The following CAPN2 variants were observed in gnomAD, a reference collection of about 807,000 sequenced individuals.
CAPN2 encodes the protein calpain 2.
A neutral mutation model predicts 102.3 loss-of-function variants in CAPN2; 92 were observed. The ratio of observed to expected loss-of-function variants is 0.90; its 90% confidence interval spans 0.76 to 1.07. The LOEUF (loss-of-function observed/expected upper bound fraction) is 1.07. Ranked by LOEUF, CAPN2 falls within the 50% of genes least tolerant of loss-of-function variation. The pLI is 0.00. For missense variants in CAPN2, 800 were observed against 909.4 expected (o/e 0.88, Z 1.55); for synonymous variants, 340 against 355.4 (o/e 0.96, Z 0.49).
chr1:223,763,206 A>G (rs76016245), intron 14 of CAPN2, among the ~76,000 whole-genome samples: 1 of 151,144 alleles, frequency 6.6e-6, no homozygotes, highest in Non-Finnish European at 1.5e-5. Context: ...ACAACTCCAA[A>G]AAAAAAAAAA....
In CAPN2 at chr1:223,759,626, G is replaced by A; in HGVS notation, c.1529+145G>A. The A allele has an allele frequency of 1.6e-6, 1 of 634,430 alleles. No homozygotes were observed. Among genetic ancestry groups the A allele is most frequent in the Non-Finnish European group, 2.7e-6 (1 of 368,396 alleles). The allele number at this position is 634,430 out of a possible 1,614,324, so 39.3% of individuals were successfully genotyped here. The stretch of plus-strand genomic sequence containing the variant: ...GCCCACCTCGAAGGACTAGTGTGGG[G>A]ATTTGATGGATTGAGGAAGTTCTAG... On this transcript the variant is annotated intron_variant, in intron 12 of 20. Transcript: ENST00000295006. The surrounding 1 kb of genome is among the most constrained non-coding windows in gnomAD (Gnocchi z 4.6).
intron 1 of CAPN2, among the ~76,000 whole-genome samples, chr1:223,702,964 G>A (rs1345425616): frequency 6.6e-6 from 1 of 152,176 alleles, no homozygotes; most frequent in African/African-American, 2.4e-5. Flanking sequence ...GGCAGCTGCT[G>A]GACACAGAGA....
In CAPN2 at chr1:223,712,857, A is replaced by G. The variant is rs780356775; in HGVS notation, c.217A>G (p.Ile73Val). 6.5e-7 allele frequency: 1 copy of G among 1,546,510 alleles called. No homozygotes were observed. Among genetic ancestry groups the G allele is most frequent in the Non-Finnish European group, 8.7e-7 (1 of 1,148,632 alleles). Reference sequence around the variant, plus strand: ...GCCCTACTCCAGCAAAACCCGGGGCATCGAGTGGAAGCGCCCCACGGTAGG... The same window carrying G: ...GCCCTACTCCAGCAAAACCCGGGGCGTCGAGTGGAAGCGCCCCACGGTAGG... ...LGPYSSKTRGIEWKRPTEICA... is the reference protein window; with the variant it reads ...LGPYSSKTRGVEWKRPTEICA... The change falls in exon 1 of 21, where the codon ATC becomes GTC. Residue 73 changes from isoleucine (I) to valine (V), a missense_variant. Transcript: ENST00000295006.
chr1:223,712,761 G>T lies in CAPN2; in HGVS notation c.121G>T (p.Glu41Ter). 6.3e-7 allele frequency: 1 copy of T among 1,581,460 alleles called. No individual in the cohort carries two copies. The stretch of plus-strand genomic sequence containing the variant: ...CGAGGCGCTGCGGAACGAGTGCCTG[G>T]AGGCCGGGACGCTCTTCCAGGACCC... ...DYEALRNECLEAGTLFQDPSF... is the reference protein window; with the variant it reads ...DYEALRNECL Residue 41 changes from glutamate to a stop codon, truncating the protein, a stop_gained, in exon 1 of 21, where the codon GAG becomes TAG. Transcript: ENST00000295006. LOFTEE classifies it high-confidence loss of function.
At chr1:223,751,115 C>T in intron 7 of CAPN2, 140 bp downstream of exon 7, 8 of 764,296 alleles carry the variant, frequency 1.0e-5, no homozygotes, top group Non-Finnish European at 1.5e-5. Context: ...GACAGGGACC[C>T]GTGGACAGGG....
chr1:223,715,028 G>A (rs1449431496), intron 1 of CAPN2, among the ~76,000 whole-genome samples: 1 of 152,224 alleles, frequency 6.6e-6, no homozygotes, highest in East Asian at 1.9e-4. Flanking sequence ...TACTTGCTCA[G>A]AGTCAAGTGG....
rs767286386 is a variant in CAPN2, at chr1:223,766,458, A to C, written c.1755+27A>C. 16 of 1,546,502 alleles carry C rather than the reference A, an allele frequency of 1.0e-5. No individual in the cohort carries two copies. In the Admixed American group the frequency reaches 2.5e-4, roughly 24 times the overall value. On this transcript the variant is annotated intron_variant, in intron 16 of 20. Coordinates refer to ENST00000295006, the MANE Select transcript of CAPN2 (RefSeq NM_001748.5). ...TATCCTTTAATGTGCTCCAGGGAAT[A>C]GAGACTGGGGGAGTTTAAAATCTCA... is the stretch of plus-strand genomic sequence containing the variant.
intron 2 of CAPN2, among the ~76,000 whole-genome samples, chr1:223,730,010 C>CAAAAAAAAAAAAA (rs57382658): frequency 7.6e-5 from 6 of 79,028 alleles, no homozygotes; most frequent in African/African-American, 1.9e-4. Flanking sequence ...CCCAAAAAAC[C>CAAAAAAAAAAAAA]AAAAAAAAAA....
intron 2 of CAPN2, among the ~76,000 whole-genome samples, chr1:223,723,221 G>A (rs1433395147): frequency 6.6e-6 from 1 of 152,174 alleles, no homozygotes; most frequent in East Asian, 1.9e-4. Context: ...GGCTGAAGCA[G>A]GAGGATCACT....
At chr1:223,757,547 C>T in intron 11 of CAPN2, 167 bp downstream of exon 11, 1 of 712,772 alleles carries the variant, frequency 1.4e-6, no homozygotes, top group East Asian at 2.5e-5. Context: ...CTCTAGATCC[C>T]ACTGGTCTAA....
chr1:223,764,945 C>A (rs538360880), intron 15 of CAPN2, among the ~76,000 whole-genome samples: 18 of 152,354 alleles, frequency 1.2e-4, no homozygotes, highest in African/African-American at 3.4e-4. Flanking sequence ...GATTGTTCAA[C>A]CCCTTACTGT....
intron 2 of CAPN2, among the ~76,000 whole-genome samples, chr1:223,729,733 T>G (rs945724628): frequency 6.6e-6 from 1 of 152,160 alleles, no homozygotes; most frequent in African/African-American, 2.4e-5. Flanking sequence ...CCGGGTGCGG[T>G]GGCTCACACC....
At chr1:223,712,905 A>AT (rs1296036368) in intron 1 of CAPN2, 28 bp downstream of exon 1, 1 of 1,461,734 alleles carries the variant, frequency 6.8e-7, no homozygotes, top group African/African-American at 1.5e-5. Flanking sequence ...GGACGCGGGC[A>AT]GGGCGGGGTG....
intron 2 of CAPN2, among the ~76,000 whole-genome samples, chr1:223,739,182 A>T (rs1466595301): frequency 7.6e-6 from 1 of 132,432 alleles, no homozygotes; most frequent in South Asian, 2.5e-4. Flanking sequence ...GCATAAACAG[A>T]TTTTTTTTTT....
At chr1:223,765,305 G>A (rs1409813366) in intron 15 of CAPN2, among the ~76,000 whole-genome samples, 1 of 152,238 alleles carries the variant, frequency 6.6e-6, no homozygotes, top group Non-Finnish European at 1.5e-5. Flanking sequence ...GAACCAAGAG[G>A]GCTGGGCCAG....
chr1:223,769,143 G>A (rs982771077), intron 16 of CAPN2, among the ~76,000 whole-genome samples: 42 of 151,944 alleles, frequency 2.8e-4, no homozygotes, highest in Non-Finnish European at 5.6e-4. Flanking sequence ...TTTTTGAGAC[G>A]GGGTCTCACT....
intron 2 of CAPN2, among the ~76,000 whole-genome samples, chr1:223,736,796 A>G (rs756671750): frequency 1.3e-5 from 2 of 152,182 alleles, no homozygotes; most frequent in Non-Finnish European, 2.9e-5. Flanking sequence ...TGTAATCCCA[A>G]TACTTCGGGA....
chr1:223,750,162 C>T (rs1295263325), intron 6 of CAPN2, among the ~76,000 whole-genome samples: 2 of 152,088 alleles, frequency 1.3e-5, no homozygotes, highest in South Asian at 2.1e-4. Flanking sequence ...AAAATTTTCA[C>T]GTATACAGAA....
Position 223,744,206 on chromosome 1 carries a change from C to T in CAPN2, c.414C>T (p.Ile138=). ...NQSFQENYAG[I]FHFQFWQYGE... ...GCTTCCAGGAAAACTATGCAGGGAT[C>T]TTTCACTTCCAGGTAACTTAATGGT... The change falls in exon 3 of 21, where the codon ATC becomes ATT. Residue 138 remains isoleucine (I), a synonymous_variant. Transcript: ENST00000295006. 6.2e-7 allele frequency: 1 copy of T among 1,608,910 alleles called. No homozygotes were observed. The highest frequency in any genetic ancestry group is 8.5e-7 in the Non-Finnish European group (1 of 1,175,276).
Sources: gnomAD v4.1 joint callset for allele counts (sites outside exome capture counted in the v4.1 genomes callset) on GRCh38, gnomAD v4.1.1 for gene constraint, Gnocchi (gnomAD v3.1) non-coding constraint, MANE v1.5 for transcripts, NCBI Gene and HGNC (gene_info 2026-07-23, HGNC 2026-07-21) for gene names.